The following WDFY4 variants were observed in gnomAD, a reference collection of about 807,000 sequenced individuals.
The protein encoded by WDFY4 is WD repeat- and FYVE domain-containing protein 4.
In WDFY4, 169 loss-of-function variants were observed where a neutral mutation model predicts 351.9. That is an observed-to-expected ratio of 0.48 (90% CI 0.42 to 0.55). The LOEUF is 0.55. Among genes scored for constraint, WDFY4 ranks in the 20% least tolerant of loss-of-function variants. WDFY4 has a pLI of 0.00. For synonymous variants in WDFY4, 1,622 were observed against 1,574.6 expected (o/e 1.03, Z -0.71); for missense variants, 3,803 against 3,935.6 (o/e 0.97, Z 0.90).
chr10:48,706,274 A>C (rs2063625113), intron 1 of WDFY4, among the ~76,000 whole-genome samples: 1 of 152,210 alleles, frequency 6.6e-6, no homozygotes, highest in Non-Finnish European at 1.5e-5. Context: ...TGGACATAAC[A>C]TCCTTGCCTT....
rs2068227027 is a variant in WDFY4, at chr10:48,832,575, T to C, written c.6529T>C (p.Ser2177Pro). The C allele has an allele frequency of 1.9e-6, 3 of 1,544,464 alleles. No homozygotes were observed. The highest frequency in any genetic ancestry group is 2.6e-6 in the Non-Finnish European group (3 of 1,142,186). Residue 2177 changes from serine (S) to proline (P), a missense_variant and splice_region_variant, in exon 39 of 62, where the codon TCT (serine) becomes CCT (proline). Physicochemically the swap from Ser to Pro is moderately conservative, Grantham distance 74 (BLOSUM62 -1). Transcript: ENST00000325239. ...ATTCTTTGCTTCCCTTCCCTCAGCA[T>C]CTGAGAAGAAGTCACTGGCAAGTCG... ...MLKAWQHYLA[S>P]EKKSLASRSN... is the part of the protein sequence containing the mutation.
At chr10:48,929,289 A>C (rs1250828617) in intron 47 of WDFY4, among the ~76,000 whole-genome samples, 1 of 152,186 alleles carries the variant, frequency 6.6e-6, no homozygotes, top group Non-Finnish European at 1.5e-5. Context: ...GAGGAGGCAC[A>C]ATAAAAGATA....
intron 24 of WDFY4, among the ~76,000 whole-genome samples, chr10:48,801,148 C>A (rs2132838264): frequency 6.6e-6 from 1 of 152,328 alleles, no homozygotes; most frequent in Non-Finnish European, 1.5e-5. Context: ...CAAATCTAAT[C>A]CAGACATCTT....
chr10:48,900,761 A>T (rs920241341), intron 46 of WDFY4, among the ~76,000 whole-genome samples: 2 of 152,216 alleles, frequency 1.3e-5, no homozygotes, highest in African/African-American at 4.8e-5. Flanking sequence ...CTGATTTCCC[A>T]CATGTGCACT....
intron 47 of WDFY4, among the ~76,000 whole-genome samples, chr10:48,924,084 A>G (rs896478133): frequency 2.0e-5 from 3 of 152,258 alleles, no homozygotes; most frequent in Admixed American, 2.0e-4. Context: ...AAGCCTGCCC[A>G]TTAATCACCT....
rs752825008 is a variant in WDFY4 at position 48,966,596 on chromosome 10, C to A, written c.8507C>A (p.Pro2836His). The A allele has an allele frequency of 5.2e-6, 8 of 1,551,904 alleles. No individual in the cohort carries two copies. The highest frequency in any genetic ancestry group is 3.3e-4 in the Middle Eastern group (2 of 6,016). ...CTGCCTGGAAAGGATGTCTCCACCC[C>A]CGTGAGCCTGCCTGGCCACCCACAG... is the stretch of plus-strand genomic sequence containing the variant. ...KPLPGKDVST[P>H]VSLPGHPQPF... The change falls in exon 55 of 62, where the codon CCC becomes CAC. Residue 2836 changes from proline (P) to histidine (H), a missense_variant. Transcript: ENST00000325239.
chr10:48,720,182 C>T, intron 3 of WDFY4, 57 bp downstream of exon 3: 1 of 1,498,406 alleles, frequency 6.7e-7, no homozygotes. Flanking sequence ...GCCCTGCATG[C>T]CCTCCCAGGC....
At chr10:48,946,792 A>G in intron 50 of WDFY4, 68 bp from the exon 51 acceptor site, 3 of 1,143,684 alleles carry the variant, frequency 2.6e-6, no homozygotes, top group South Asian at 2.7e-5. Flanking sequence ...AACACAGTGT[A>G]GCACACATAT....
intron 1 of WDFY4, among the ~76,000 whole-genome samples, chr10:48,685,541 G>A (rs2063020131): frequency 6.6e-6 from 1 of 152,188 alleles, no homozygotes; most frequent in African/African-American, 2.4e-5. Context: ...TGGTAAGTAG[G>A]TGCCTCCCTG....
intron 28 of WDFY4, among the ~76,000 whole-genome samples, chr10:48,809,265 C>A (rs866720661): frequency 6.1e-5 from 9 of 148,746 alleles, no homozygotes; most frequent in African/African-American, 2.0e-4. Flanking sequence ...ACCATCATCA[C>A]CATCATCACC....
At chr10:48,769,064 A>G (rs1005606072) in intron 13 of WDFY4, among the ~76,000 whole-genome samples, 3 of 152,230 alleles carry the variant, frequency 2.0e-5, no homozygotes, top group Non-Finnish European at 4.4e-5. Flanking sequence ...TTCTGTTTAC[A>G]GGACGAATTG....
intron 1 of WDFY4, among the ~76,000 whole-genome samples, chr10:48,708,307 C>A (rs577560941): frequency 6.6e-6 from 1 of 152,126 alleles, no homozygotes; most frequent in Non-Finnish European, 1.5e-5. Context: ...GCCGGTGTCA[C>A]GTGGCTAAAC....
In WDFY4 at chr10:48,873,589, C is replaced by A. The variant is rs779710552; in HGVS notation, c.6840C>A (p.Thr2280=). 5 of 1,551,758 alleles carry A rather than the reference C, an allele frequency of 3.2e-6. No homozygotes were observed. In the South Asian group the frequency reaches 5.9e-5, roughly 18 times the overall value. Residue 2280 remains threonine, a synonymous_variant, in exon 41 of 62, where the codon ACC becomes ACA. Transcript: ENST00000325239. ...GCTTGTGGAGCCAGGGGGAAGAAAC[C>A]AAGCCCTGTTCCCCATGGGAACTCG... is the stretch of plus-strand genomic sequence containing the variant. ...ELGLWSQGEE[T]KPCSPWELDW... is the part of the protein sequence containing the mutation.
In WDFY4 at chr10:48,767,370, T is replaced by C. The variant is rs2065706392; in HGVS notation, c.2553+6930T>C. Among the ~76,000 whole-genome samples the C allele has an allele frequency of 2.0e-5, 3 of 152,236 alleles. No individual in the cohort carries two copies. The South Asian group carries it at 6.2e-4, about 32-fold the overall frequency. ...CTTCTAGCTCTGACAGTCTGTGTTC[T>C]GGGTCGTGGTATATAAAATTCTGAA... On this transcript the variant is annotated intron_variant, in intron 13 of 61. Transcript: ENST00000325239.
chr10:48,962,968 C>T (rs1281281082), intron 53 of WDFY4, among the ~76,000 whole-genome samples: 2 of 152,218 alleles, frequency 1.3e-5, no homozygotes, highest in Non-Finnish European at 2.9e-5. Flanking sequence ...CAGGTTCTAT[C>T]ATTTCTGTGC....
intron 47 of WDFY4, among the ~76,000 whole-genome samples, chr10:48,932,081 C>T (rs1025996857): frequency 1.4e-4 from 22 of 152,206 alleles, no homozygotes; most frequent in East Asian, 5.8e-4. Context: ...TCTCATAACA[C>T]GCCTGAGCCC....
In WDFY4 at chr10:48,760,435, C is replaced by T. The variant is rs1479025670; in HGVS notation, c.2548C>T (p.Pro850Ser). 1 of 1,551,634 alleles carries T rather than the reference C, an allele frequency of 6.4e-7. No individual in the cohort carries two copies. The highest frequency in any genetic ancestry group is 2.0e-5 in the Admixed American group (1 of 51,010). Reference protein sequence around the residue: ...LLPRLYHEDHPQLSEEIQCSL... With the variant: ...LLPRLYHEDHSQLSEEIQCSL... ...GCCTCGGTTGTACCATGAAGATCAC[C>T]CACAGGTACCTGGTGTTGAATATGT... Residue 850 changes from proline (P) to serine (S), a missense_variant, in exon 13 of 62, where the codon CCA becomes TCA. By Grantham distance (74) the Pro-to-Ser change is moderately conservative. This residue lies in a region of WDFY4 where 3,054 missense variants were observed against 3,148.6 expected (regional missense o/e 0.97). Coordinates refer to ENST00000325239, the MANE Select transcript of WDFY4 (RefSeq NM_001394531.1).
intron 1 of WDFY4, among the ~76,000 whole-genome samples, chr10:48,692,314 T>C (rs1016840515): frequency 1.3e-5 from 2 of 152,190 alleles, no homozygotes; most frequent in African/African-American, 4.8e-5. Context: ...ACCTTTACCC[T>C]ATCCGAGTGA....
In WDFY4 at chr10:48,760,348, A is replaced by T; in HGVS notation, c.2461A>T (p.Met821Leu). 1.3e-6 allele frequency: 2 copies of T among 1,551,472 alleles called. No individual in the cohort carries two copies. The highest frequency in any genetic ancestry group is 1.7e-6 in the Non-Finnish European group (2 of 1,146,892). The change falls in exon 13 of 62, where the codon ATG (methionine) becomes TTG (leucine). Residue 821 changes from methionine (M) to leucine (L), a missense_variant and splice_region_variant. This residue lies in a region of WDFY4 where 3,054 missense variants were observed against 3,148.6 expected (regional missense o/e 0.97). Transcript: ENST00000325239. ...GTCTGGCTCTCCCTCTCTCTGCAGG[A>T]TGGATGAGGGAGATGCTGCAATCAT... ...FKQWPDLEER[M>L]DEGDAAIMHP...
Sources: gnomAD v4.1 joint callset for allele counts (sites outside exome capture counted in the v4.1 genomes callset) on GRCh38, gnomAD v4.1.1 for gene constraint, gnomAD v4.1.1 regional missense constraint, MANE v1.5 for transcripts, NCBI Gene and HGNC (gene_info 2026-07-23, HGNC 2026-07-21) for gene names.